UBA6: variants seen among roughly 807,000 people sequenced by gnomAD.
The protein encoded by UBA6 is ubiquitin-like modifier-activating enzyme 6.
A neutral mutation model predicts 148.3 loss-of-function variants in UBA6; 87 were observed. The observed-to-expected ratio is 0.59, with a 90% CI of 0.49 to 0.70. UBA6 has a LOEUF of 0.70. UBA6 is among the 30% of genes least tolerant of loss of function. UBA6 has a pLI of 0.00. For missense variants in UBA6, 1,186 were observed against 1,241.2 expected (o/e 0.96, Z 0.67); for synonymous variants, 376 against 401.0 (o/e 0.94, Z 0.75).
intron 13 of UBA6, among the ~76,000 whole-genome samples, chr4:67,652,090 C>G (rs781299754): frequency 6.6e-6 from 1 of 152,008 alleles, no homozygotes; most frequent in Non-Finnish European, 1.5e-5. Flanking sequence ...AGCTTTTTGA[C>G]CCTGTGTTAA....
At chr4:67,668,090 T>C (rs1730052988) in intron 9 of UBA6, among the ~76,000 whole-genome samples, 1 of 152,216 alleles carries the variant, frequency 6.6e-6, no homozygotes, top group African/African-American at 2.4e-5. Context: ...ACTGACCATG[T>C]AGAAATCTTC....
At chr4:67,662,807 A>T (rs2109933090) in intron 12 of UBA6, 1 of 193,118 alleles carries the variant, frequency 5.2e-6, no homozygotes, top group South Asian at 1.3e-4. Flanking sequence ...CTTCTCCAAC[A>T]GTACTCTGAC....
At chr4:67,624,517 C>T (rs1470330399) in intron 29 of UBA6, among the ~76,000 whole-genome samples, 1 of 152,006 alleles carries the variant, frequency 6.6e-6, no homozygotes, top group East Asian at 1.9e-4. Context: ...ATTTTGAAAG[C>T]ACATGCTGTA....
chr4:67,663,823 C>A, intron 11 of UBA6, 62 bp downstream of exon 11: 2 of 1,373,300 alleles, frequency 1.5e-6, no homozygotes, highest in South Asian at 1.2e-5. Flanking sequence ...ACTTCATAAT[C>A]ACTCACTAAT....
intron 9 of UBA6, among the ~76,000 whole-genome samples, chr4:67,668,080 A>C (rs1027365033): frequency 6.6e-6 from 1 of 152,182 alleles, no homozygotes; most frequent in Non-Finnish European, 1.5e-5. Flanking sequence ...GAATATGTTG[A>C]CTGACCATGT....
chr4:67,676,952 C>T (rs1730295217), intron 6 of UBA6, among the ~76,000 whole-genome samples: 1 of 151,188 alleles, frequency 6.6e-6, no homozygotes, highest in Non-Finnish European at 1.5e-5. Context: ...TATCCAAGGT[C>T]CTGGGAATTT....
chr4:67,683,625 T>C (rs1730493001), intron 2 of UBA6, among the ~76,000 whole-genome samples: 1 of 152,058 alleles, frequency 6.6e-6, no homozygotes, highest in African/African-American at 2.4e-5. Context: ...GGATTCTATG[T>C]GTGGTCCAAG....
intron 23 of UBA6, 45 bp downstream of exon 23, chr4:67,633,300 A>C: frequency 3.4e-6 from 5 of 1,475,348 alleles, no homozygotes; most frequent in Non-Finnish European, 4.5e-6. Context: ...TAACTAAATA[A>C]GCCAAGATCA....
chr4:67,659,610 ATTT>A (rs1729793408), intron 13 of UBA6, among the ~76,000 whole-genome samples: 1 of 152,010 alleles, frequency 6.6e-6, no homozygotes, highest in Non-Finnish European at 1.5e-5. Flanking sequence ...AAAACTGGGT[ATTT>A]TATATAGGAA....
chr4:67,682,708 C>G (rs1729659480), intron 2 of UBA6, among the ~76,000 whole-genome samples: 1 of 152,094 alleles, frequency 6.6e-6, no homozygotes, highest in South Asian at 2.1e-4. Flanking sequence ...AAGGTAGTAA[C>G]AGGATGGGAA....
intron 28 of UBA6, among the ~76,000 whole-genome samples, chr4:67,625,464 T>C (rs1391262330): frequency 2.0e-5 from 3 of 151,900 alleles, no homozygotes; most frequent in Admixed American, 2.0e-4. Context: ...AAAAACTTTT[T>C]AATAAATAGC....
chr4:67,641,380 C>A (rs1222040824), intron 17 of UBA6, 152 bp from the exon 18 acceptor site: 3 of 524,346 alleles, frequency 5.7e-6, no homozygotes, highest in Non-Finnish European at 1.0e-5. Flanking sequence ...CAAATAGTTA[C>A]CAATACTACT....
chr4:67,676,996 T>C (rs1165968339), intron 6 of UBA6, among the ~76,000 whole-genome samples: 1 of 152,168 alleles, frequency 6.6e-6, no homozygotes, highest in Non-Finnish European at 1.5e-5. Context: ...TTACCTATAA[T>C]AGATTGAACT....
chr4:67,653,132 C>T (rs1729594612), intron 13 of UBA6, among the ~76,000 whole-genome samples: 1 of 152,224 alleles, frequency 6.6e-6, no homozygotes, highest in Non-Finnish European at 1.5e-5. Context: ...ACAACTTCTG[C>T]AGACTTAAAT....
chr4:67,700,924 A>G, intron 1 of UBA6, 125 bp downstream of exon 1: 1 of 1,200,146 alleles, frequency 8.3e-7, no homozygotes, highest in Non-Finnish European at 1.2e-6. Context: ...CTCGCCTCCC[A>G]GGGCCGGCTC....
intron 2 of UBA6, among the ~76,000 whole-genome samples, chr4:67,686,394 C>A (rs1317230043): frequency 6.6e-6 from 1 of 152,174 alleles, no homozygotes; most frequent in East Asian, 1.9e-4. Context: ...TCTGGACACA[C>A]TTCATTATCT....
rs957987311 is a variant in UBA6, at chr4:67,615,919, G to A, written c.*3078C>T. The stretch of plus-strand genomic sequence containing the variant: ...GCAGGGAGCTGGTTGTGACTGGGAA[G>A]GAACTACATGTGTAATTTCTGAACT... On this transcript the variant is annotated 3_prime_UTR_variant, in exon 33 of 33. Transcript: ENST00000322244. The A allele has an allele frequency of 1.5e-5, 5 of 333,598 alleles. No individual in the cohort carries two copies. The highest frequency in any genetic ancestry group is 6.3e-5 in the African/African-American group (3 of 47,512). 20.7% of individuals were successfully genotyped at this position (333,598 alleles called of 1,614,324 possible).
In UBA6 at chr4:67,630,545, T is replaced by A. The variant is rs761227111; in HGVS notation, c.2259-10A>T. On this transcript the variant is annotated splice_polypyrimidine_tract_variant and intron_variant, in intron 25 of 32. Coordinates refer to ENST00000322244, the MANE Select transcript of UBA6 (RefSeq NM_018227.6). Reference sequence around the variant, plus strand: ...AAGGAAACTGAGGTGCCTTTTGAAATTAAAAAATAAAGCAAAATTTGAATG... The same window carrying A: ...AAGGAAACTGAGGTGCCTTTTGAAAATAAAAAATAAAGCAAAATTTGAATG... The A allele has an allele frequency of 6.4e-7, 1 of 1,558,684 alleles. No individual in the cohort carries two copies. The highest frequency in any genetic ancestry group is 8.7e-7 in the Non-Finnish European group (1 of 1,152,010).
intron 4 of UBA6, among the ~76,000 whole-genome samples, chr4:67,680,128 T>A (rs2109948943): frequency 6.6e-6 from 1 of 152,318 alleles, no homozygotes; most frequent in Non-Finnish European, 1.5e-5. Context: ...ATCCTGCATT[T>A]TGTAAATGTA....
Sources: gnomAD v4.1 joint callset for allele counts (sites outside exome capture counted in the v4.1 genomes callset) on GRCh38, gnomAD v4.1.1 for gene constraint, MANE v1.5 for transcripts, NCBI Gene and HGNC (gene_info 2026-07-23, HGNC 2026-07-21) for gene names.